KIF5C: variants seen among roughly 807,000 people sequenced by gnomAD.
KIF5C encodes the protein kinesin heavy chain isoform 5C.
In KIF5C, 18 loss-of-function variants were observed where a neutral mutation model predicts 125.2. The ratio of observed to expected loss-of-function variants is 0.14; its 90% CI spans 0.10 to 0.21. The LOEUF is 0.21. Among genes scored for constraint, KIF5C ranks in the 10% least tolerant of loss-of-function variants. KIF5C has a pLI of 1.00. For missense variants in KIF5C, 780 were observed against 1,183.8 expected, an observed-to-expected ratio of 0.66 and a Z score of 5.01; for synonymous variants, 405 against 434.0, an observed-to-expected ratio of 0.93 and a Z score of 0.83.
chr2:148,967,776 G>A (rs1680778693), intron 11 of KIF5C, among the ~76,000 whole-genome samples: 1 of 152,142 alleles, frequency 6.6e-6, no homozygotes, highest in Non-Finnish European at 1.5e-5. Flanking sequence ...GGATGGAGTG[G>A]GGCAGTTGCC....
At chr2:148,931,415 G>A (rs141297295) in intron 3 of KIF5C, among the ~76,000 whole-genome samples, 34 of 152,276 alleles carry the variant, frequency 2.2e-4, no homozygotes, top group African/African-American at 7.5e-4. Flanking sequence ...GAGGCCAGGC[G>A]TGGTGGCTTA....
intron 10 of KIF5C, among the ~76,000 whole-genome samples, chr2:148,954,078 C>T (rs1348002678): frequency 2.6e-5 from 3 of 116,936 alleles, no homozygotes; most frequent in Non-Finnish European, 3.2e-5. Flanking sequence ...TCCATGTGTT[C>T]TCATTGTTTA....
chr2:148,964,806 C>A (rs1377511390), intron 11 of KIF5C, among the ~76,000 whole-genome samples: 1 of 152,052 alleles, frequency 6.6e-6, no homozygotes, highest in African/African-American at 2.4e-5. Flanking sequence ...CTCCTGTCTT[C>A]AGGATTTTGG....
At chr2:148,941,858 A>G in intron 5 of KIF5C, 77 bp from the exon 6 acceptor site, 2 of 1,553,962 alleles carry the variant, frequency 1.3e-6, no homozygotes, top group Non-Finnish European at 1.7e-6. Flanking sequence ...CTTTGTAACA[A>G]ACTTCCATTT....
intron 1 of KIF5C, among the ~76,000 whole-genome samples, chr2:148,907,517 A>G (rs1233192107): frequency 6.6e-6 from 1 of 152,162 alleles, no homozygotes; most frequent in Non-Finnish European, 1.5e-5. Context: ...TGTCCCTTAG[A>G]TTTTATTCCT....
intron 25 of KIF5C, among the ~76,000 whole-genome samples, chr2:149,013,420 G>T (rs1460473517): frequency 1.3e-5 from 2 of 152,172 alleles, no homozygotes; most frequent in Non-Finnish European, 2.9e-5. Context: ...CAATGCTGAT[G>T]CCTCCCTTTC....
Position 148,992,706 on chromosome 2 carries a change from G to A in KIF5C, c.1905+1508G>A, listed in dbSNP as rs138129022. On this transcript the variant is annotated intron_variant, in intron 16 of 25. Transcript: ENST00000435030. ...CCTGCAGCTAAGACCAGGAATATCA[G>A]GGGGAAATAGTCCATAGATTGGTTT... 2.5e-4 allele frequency among the ~76,000 whole-genome samples: 38 copies of A among 152,302 alleles called. No homozygotes were observed. The East Asian group carries it at 6.5e-3, about 26-fold the overall frequency.
chr2:148,918,407 A>G (rs1681646592), intron 1 of KIF5C, among the ~76,000 whole-genome samples: 2 of 152,218 alleles, frequency 1.3e-5, no homozygotes, highest in African/African-American at 4.8e-5. Flanking sequence ...TGTAGTGGTT[A>G]ATTAGATTGA....
chr2:148,878,881 C>G (rs975850073), intron 1 of KIF5C: 2 of 152,118 alleles, frequency 1.3e-5, no homozygotes, highest in African/African-American at 4.8e-5. Context: ...ATCTGTTAGT[C>G]CAAATTCAGA....
chr2:148,884,686 T>C (rs1415258131), intron 1 of KIF5C, among the ~76,000 whole-genome samples: 1 of 152,172 alleles, frequency 6.6e-6, no homozygotes, highest in Admixed American at 6.5e-5. Context: ...ACAATAACAC[T>C]ATCACACATA....
chr2:149,007,086 A>T (rs1682031006), intron 22 of KIF5C, among the ~76,000 whole-genome samples: 1 of 152,018 alleles, frequency 6.6e-6, no homozygotes, highest in Non-Finnish European at 1.5e-5. Context: ...CTCATACCCC[A>T]CCCCAGGTCC....
intron 1 of KIF5C, among the ~76,000 whole-genome samples, chr2:148,880,924 G>A (rs1313399675): frequency 4.0e-5 from 6 of 149,726 alleles, no homozygotes; most frequent in Non-Finnish European, 8.9e-5. Context: ...ACAAAACCGA[G>A]TGTAGATTCA....
In KIF5C at chr2:148,921,721, CTA is replaced by C. The variant is rs1681793072; in HGVS notation, c.127-414_127-413del. Among the ~76,000 whole-genome samples, 7 of 152,306 alleles carry C rather than the reference CTA, an allele frequency of 4.6e-5. No homozygotes were observed. The South Asian group carries it at 1.5e-3, about 32-fold the overall frequency. On this transcript the variant is annotated intron_variant, in intron 1 of 25. Coordinates refer to ENST00000435030, the MANE Select transcript of KIF5C (RefSeq NM_004522.3). Reference sequence around the variant, plus strand: ...TTAAACCTAGGCATTTTGCGTTTTCCTATGTGTTTGCTTTCTTGCTTATTAGC... The same window carrying C: ...TTAAACCTAGGCATTTTGCGTTTTCCTGTGTTTGCTTTCTTGCTTATTAGC...
At chr2:148,926,733 G>C (rs1234074213) in intron 2 of KIF5C, among the ~76,000 whole-genome samples, 2 of 152,168 alleles carry the variant, frequency 1.3e-5, no homozygotes, top group Non-Finnish European at 2.9e-5. Flanking sequence ...CCAAAACCTG[G>C]AGTTTCGAAG....
intron 21 of KIF5C, among the ~76,000 whole-genome samples, chr2:149,004,948 A>G (rs1208534605): frequency 2.0e-5 from 3 of 152,270 alleles, no homozygotes; most frequent in Non-Finnish European, 4.4e-5. Context: ...GTGTGGAGAC[A>G]GGAAAAATGT....
At chr2:148,997,464 G>C (rs1044509946) in intron 18 of KIF5C, 124 bp downstream of exon 18, 50 of 1,516,950 alleles carry the variant, frequency 3.3e-5, no homozygotes, top group Non-Finnish European at 4.2e-5. Flanking sequence ...GGGAGGGGCT[G>C]TTGTTGGGCA....
chr2:148,896,862 A>G (rs1304307217), intron 1 of KIF5C, among the ~76,000 whole-genome samples: 2 of 150,618 alleles, frequency 1.3e-5, no homozygotes, highest in Non-Finnish European at 3.0e-5. Flanking sequence ...ATGGAGTCTC[A>G]CTCTGTCACC....
rs781686437 is a variant in KIF5C at position 148,994,556 on chromosome 2, G to A, written c.2023+18G>A. On this transcript the variant is annotated intron_variant, in intron 17 of 25. Coordinates refer to ENST00000435030, the MANE Select transcript of KIF5C (RefSeq NM_004522.3). ...AGCCCAGGGTAAATATTTGACTAAC[G>A]TGCAGGTGTCAAACACCTGGCCTGA... 7 of 1,552,466 alleles carry A rather than the reference G, an allele frequency of 4.5e-6. No homozygotes were observed. Among genetic ancestry groups the A allele is most frequent in the Non-Finnish European group, 6.1e-6 (7 of 1,147,708 alleles).
chr2:148,906,005 G>A (rs1034265536), intron 1 of KIF5C, among the ~76,000 whole-genome samples: 1 of 152,080 alleles, frequency 6.6e-6, no homozygotes, highest in Non-Finnish European at 1.5e-5. Context: ...CTCCCACAGG[G>A]TACCCCCATG....
Sources: allele counts gnomAD v4.1 joint callset (sites outside exome capture counted in the v4.1 genomes callset), GRCh38; gene constraint gnomAD v4.1.1; transcripts MANE v1.5; gene names NCBI Gene and HGNC (gene_info 2026-07-23, HGNC 2026-07-21).